MAGI2: variants seen among roughly 807,000 people sequenced by gnomAD.
MAGI2 encodes the protein membrane-associated guanylate kinase, WW and PDZ domain-containing protein 2.
A neutral mutation model predicts 133.3 loss-of-function variants in MAGI2; 35 were observed. The ratio of observed to expected loss-of-function variants is 0.26; its 90% CI spans 0.20 to 0.35. The LOEUF is 0.35. Among genes scored for constraint, MAGI2 ranks in the 10% least tolerant of loss-of-function variants. The pLI is 1.00. For missense variants in MAGI2, 1,636 were observed against 1,863.4 expected (o/e 0.88, Z 2.25); for synonymous variants, 729 against 710.6 (o/e 1.03, Z -0.41).
intron 2 of MAGI2, among the ~76,000 whole-genome samples, chr7:78,632,800 G>A (rs942074289): frequency 7.2e-5 from 11 of 152,184 alleles, no homozygotes; most frequent in Admixed American, 6.5e-4. Flanking sequence ...TTATTAGAGT[G>A]TAAATTAGTT....
chr7:78,500,615 T>C (rs1794536076), intron 5 of MAGI2, among the ~76,000 whole-genome samples: 1 of 152,182 alleles, frequency 6.6e-6, no homozygotes. Flanking sequence ...TTTAAAAATG[T>C]CCTAAAAGAA....
At chr7:79,261,606 A>G (rs1216252621) in intron 1 of MAGI2, among the ~76,000 whole-genome samples, 1 of 152,018 alleles carries the variant, frequency 6.6e-6, no homozygotes, top group Non-Finnish European at 1.5e-5. Context: ...CTCCCCACAC[A>G]CAAGCATGCA....
intron 2 of MAGI2, among the ~76,000 whole-genome samples, chr7:78,838,028 T>A (rs1019931205): frequency 6.6e-6 from 1 of 152,142 alleles, no homozygotes; most frequent in Non-Finnish European, 1.5e-5. Flanking sequence ...CTCTTTGACA[T>A]TGTAGATTGA....
In MAGI2 at chr7:78,501,725, G is replaced by C. The variant is rs202222389; in HGVS notation, c.817C>G (p.Pro273Ala). The change falls in exon 5 of 22, where the codon CCT becomes GCT. Residue 273 changes from proline (P) to alanine (A), a missense_variant. This residue lies in a region of MAGI2 where 165 missense variants were observed against 128.4 expected (regional missense o/e 1.28). Coordinates refer to ENST00000354212, the MANE Select transcript of MAGI2 (RefSeq NM_012301.4). ...TCAGGCTGACTGTACACTGGTGCAG[G>C]ATAAGGCTGGGAGGGCATCTCCCCT... ...ASGEMPSQPY[P>A]APVYSQPEEL... The C allele has an allele frequency of 3.2e-5, 51 of 1,614,056 alleles. 1 individual carries two copies. In the Middle Eastern group the frequency reaches 9.9e-4, roughly 31 times the overall value.
intron 1 of MAGI2, among the ~76,000 whole-genome samples, chr7:79,170,770 T>G (rs1825461509): frequency 6.6e-6 from 1 of 152,088 alleles, no homozygotes; most frequent in Non-Finnish European, 1.5e-5. Flanking sequence ...TGTCAGCAGG[T>G]CAGCTGGGAT....
At chr7:78,894,812 T>C (rs1319208997) in intron 2 of MAGI2, among the ~76,000 whole-genome samples, 1 of 152,214 alleles carries the variant, frequency 6.6e-6, no homozygotes, top group Non-Finnish European at 1.5e-5. Flanking sequence ...TCCTCACACA[T>C]TCGACTTTTT....
chr7:78,074,886 C>A (rs747342018), intron 21 of MAGI2, among the ~76,000 whole-genome samples: 1 of 152,214 alleles, frequency 6.6e-6, no homozygotes, highest in African/African-American at 2.4e-5. Flanking sequence ...TTGCTTCTGG[C>A]GCAGAAAAGG....
chr7:79,395,845 C>A (rs1011405012), intron 1 of MAGI2, among the ~76,000 whole-genome samples: 7 of 152,040 alleles, frequency 4.6e-5, no homozygotes, highest in African/African-American at 1.7e-4. Context: ...CTATGCAGAC[C>A]ATTCAATGTA....
intron 2 of MAGI2, among the ~76,000 whole-genome samples, chr7:78,672,360 C>T (rs889661162): frequency 6.6e-6 from 1 of 152,156 alleles, no homozygotes. Context: ...GAGATCCTAA[C>T]CAGAAGCAAA....
intron 6 of MAGI2, among the ~76,000 whole-genome samples, chr7:78,463,757 C>A (rs2885558): frequency 0.55 from 83,531 of 151,534 alleles, 24,168 homozygotes; most frequent in Middle Eastern, 0.74. Flanking sequence ...TAAAGACTGT[C>A]ATTATTTTTC....
intron 1 of MAGI2, among the ~76,000 whole-genome samples, chr7:79,444,056 T>C (rs1234542166): frequency 6.6e-6 from 1 of 152,054 alleles, no homozygotes; most frequent in Non-Finnish European, 1.5e-5. Context: ...GAACCAACAA[T>C]AAAAACCATA....
At chr7:79,125,449 G>T in intron 1 of MAGI2, 1 of 500,834 alleles carries the variant, frequency 2.0e-6, no homozygotes, top group Middle Eastern at 6.3e-4. Context: ...TGATAACGAT[G>T]GTAGTTATGT....
At chr7:78,804,450 A>ACT (rs1287286433) in intron 2 of MAGI2, among the ~76,000 whole-genome samples, 1 of 151,670 alleles carries the variant, frequency 6.6e-6, no homozygotes, top group Non-Finnish European at 1.5e-5. Context: ...ACTAAACTAA[A>ACT]AAAAAAAAAA....
intron 3 of MAGI2, among the ~76,000 whole-genome samples, chr7:78,534,110 G>A (rs1797690738): frequency 6.6e-6 from 1 of 152,148 alleles, no homozygotes; most frequent in African/African-American, 2.4e-5. Context: ...CATAAGCACA[G>A]TCCTCTTTGA....
chr7:78,595,736 G>C (rs917378461), intron 3 of MAGI2, among the ~76,000 whole-genome samples: 8 of 152,164 alleles, frequency 5.3e-5, no homozygotes, highest in African/African-American at 1.9e-4. Flanking sequence ...GAGGTCCTCA[G>C]AGCCTGGTGG....
chr7:79,272,917 T>C (rs1000429799), intron 1 of MAGI2, among the ~76,000 whole-genome samples: 3 of 152,198 alleles, frequency 2.0e-5, no homozygotes, highest in African/African-American at 7.2e-5. Context: ...TAATTTTCCT[T>C]CGCCAAACAG....
intron 9 of MAGI2, among the ~76,000 whole-genome samples, chr7:78,259,715 G>A (rs1483787935): frequency 6.6e-6 from 1 of 152,062 alleles, no homozygotes; most frequent in Non-Finnish European, 1.5e-5. Flanking sequence ...TTTAATCACT[G>A]TTAACAGACT....
intron 21 of MAGI2, among the ~76,000 whole-genome samples, chr7:78,029,044 C>A (rs1269084540): frequency 2.6e-5 from 4 of 151,938 alleles, no homozygotes; most frequent in Non-Finnish European, 4.4e-5. Context: ...ATTAATATAA[C>A]CTTATTAATA....
chr7:78,877,976 T>C (rs1230677664), intron 2 of MAGI2, among the ~76,000 whole-genome samples: 1 of 152,192 alleles, frequency 6.6e-6, no homozygotes, highest in Non-Finnish European at 1.5e-5. Flanking sequence ...ATATGTCTTA[T>C]ATCCTCAAAA....
Sources: gnomAD v4.1 joint callset for allele counts (sites outside exome capture counted in the v4.1 genomes callset) on GRCh38, gnomAD v4.1.1 for gene constraint, gnomAD v4.1.1 regional missense constraint, MANE v1.5 for transcripts, NCBI Gene and HGNC (gene_info 2026-07-23, HGNC 2026-07-21) for gene names.